The following ZNF726 variants were observed in gnomAD, a reference collection of about 807,000 sequenced individuals.
ZNF726 encodes the protein zinc finger protein 92 pseudogene 3.
A neutral mutation model predicts 11.6 loss-of-function variants in ZNF726; 15 were observed. The ratio of observed to expected loss-of-function variants is 1.29; its 90% CI spans 0.86 to 1.99. ZNF726 has a LOEUF of 1.99. Ranked by LOEUF, ZNF726 falls within the 30% of genes most tolerant of loss-of-function variation. The pLI, the probability that ZNF726 is intolerant of heterozygous loss-of-function variation, is 0.00. For synonymous variants in ZNF726, 295 were observed against 243.6 expected, an observed-to-expected ratio of 1.21 and a Z score of -1.96; for missense variants, 890 against 725.6, an observed-to-expected ratio of 1.23 and a Z score of -2.60.
At chr19:23,944,251 G>C (rs938772533) in intron 4 of ZNF726, 5 of 151,956 alleles carry the variant, frequency 3.3e-5, no homozygotes, top group Admixed American at 2.6e-4. Context: ...TGAATTTCCT[G>C]TATATTTTGA....
chr19:23,940,225 C>G, intron 3 of ZNF726, among the ~76,000 whole-genome samples: 1 of 152,072 alleles, frequency 6.6e-6, no homozygotes, highest in East Asian at 1.9e-4. Context: ...GTTTCATTCT[C>G]CTACATGTGG....
At chr19:23,915,589 T>C (rs917334392) in intron 1 of ZNF726, among the ~76,000 whole-genome samples, 4 of 152,024 alleles carry the variant, frequency 2.6e-5, no homozygotes, top group African/African-American at 9.7e-5. Context: ...TTGTTTTCAT[T>C]TTCTTTTTTT....
At position 23,919,984 on chromosome 19, in the gene ZNF726, C is replaced by T. The variant is rs757489648; in HGVS notation, c.131-3C>T. On this transcript the variant is annotated splice_polypyrimidine_tract_variant and splice_region_variant and intron_variant, in intron 2 of 3. Coordinates refer to ENST00000594466, the MANE Select transcript of ZNF726 (RefSeq NM_001244038.2). ...TTCATGTTAATTATTTTTAATAAAACAGGTATTGCTGTCTCTAAGCCAGAC... is the reference window on the plus strand; with the variant it reads ...TTCATGTTAATTATTTTTAATAAAATAGGTATTGCTGTCTCTAAGCCAGAC... 3 of 1,561,290 alleles carry T rather than the reference C, an allele frequency of 1.9e-6. No individual in the cohort carries two copies.
intron 3 of ZNF726, among the ~76,000 whole-genome samples, chr19:23,924,937 T>C (rs1050019736): frequency 6.6e-6 from 1 of 152,200 alleles, no homozygotes; most frequent in Non-Finnish European, 1.5e-5. Flanking sequence ...TATATTCACA[T>C]TGTTATGCAA....
intron 1 of ZNF726, among the ~76,000 whole-genome samples, chr19:23,915,230 C>G (rs902077742): frequency 1.1e-4 from 17 of 152,090 alleles, no homozygotes; most frequent in Admixed American, 1.0e-3. Flanking sequence ...GGCCTGGAGC[C>G]CTCTTTGGGC....
rs1376216317 is a variant in ZNF726 at position 23,934,054 on chromosome 19, AC to A, written c.*90del. The A allele has an allele frequency of 6.8e-7, 1 of 1,471,212 alleles. No individual in the cohort carries two copies. Among genetic ancestry groups the A allele is most frequent in the Non-Finnish European group, 9.5e-7 (1 of 1,056,210 alleles). 91.1% of individuals were successfully genotyped at this position (1,471,212 alleles called of 1,614,324 possible). ...ATAAGAGGATGCACACTGGAGAGAA[AC>A]CCTACAAATGTGAAGAATGTGAAAA... On this transcript the variant is annotated 3_prime_UTR_variant, in exon 4 of 4. Transcript: ENST00000594466.
chr19:23,933,635 A>G lies in ZNF726; in HGVS notation c.1519A>G (p.Lys507Glu). The G allele has an allele frequency of 6.2e-7, 1 of 1,612,746 alleles. No homozygotes were observed. Among genetic ancestry groups the G allele is most frequent in the African/African-American group, 1.3e-5 (1 of 75,044 alleles). The part of the protein sequence containing the change: ...TAHKIIHTGE[K>E]PYKCEECGKA... Reference sequence around the variant, plus strand: ...ACATAAGATAATTCATACTGGAGAGAAACCCTACAAATGTGAAGAATGTGG... The same window carrying G: ...ACATAAGATAATTCATACTGGAGAGGAACCCTACAAATGTGAAGAATGTGG... Residue 507 changes from lysine (K) to glutamate (E), a missense_variant, in exon 4 of 4, where the codon AAA becomes GAA. Coordinates refer to ENST00000594466, the MANE Select transcript of ZNF726 (RefSeq NM_001244038.2).
At position 23,933,657 on chromosome 19, in the gene ZNF726, G is replaced by A; in HGVS notation, c.1541G>A (p.Cys514Tyr). 6.2e-7 allele frequency: 1 copy of A among 1,612,568 alleles called. No homozygotes were observed. Among genetic ancestry groups the A allele is most frequent in the African/African-American group, 1.3e-5 (1 of 75,016 alleles). Residue 514 changes from cysteine to tyrosine, a missense_variant, in exon 4 of 4, where the codon TGT (cysteine) becomes TAT (tyrosine). Coordinates refer to ENST00000594466, the MANE Select transcript of ZNF726 (RefSeq NM_001244038.2). ...GAGAAACCCTACAAATGTGAAGAAT[G>A]TGGCAAAGCATTTATATTGTCCTCG... ...TGEKPYKCEE[C>Y]GKAFILSSTL...
chr19:23,934,294 G>T lies in ZNF726; in HGVS notation c.*327G>T. On this transcript the variant is annotated 3_prime_UTR_variant, in exon 4 of 4. Transcript: ENST00000594466. The stretch of plus-strand genomic sequence containing the variant: ...GACATAAGAGGATGCACACTGGAGA[G>T]AAACCTTACAAATGTGAGGAATGTG... 1.6e-6 allele frequency: 1 copy of T among 627,224 alleles called. No homozygotes were observed. The highest frequency in any genetic ancestry group is 1.4e-5 in the South Asian group (1 of 71,388). 38.9% of individuals were successfully genotyped at this position (627,224 alleles called of 1,614,324 possible). A position where few individuals can be genotyped will look rare whatever the true frequency, so the allele number is the denominator to read the frequency against.
At position 23,934,241 on chromosome 19, in the gene ZNF726, C is replaced by A. The variant is rs1302382145; in HGVS notation, c.*274C>A. 5 of 684,220 alleles carry A rather than the reference C, an allele frequency of 7.3e-6. No individual in the cohort carries two copies. Among genetic ancestry groups the A allele is most frequent in the Non-Finnish European group, 1.4e-5 (5 of 365,958 alleles). 42.4% of individuals were successfully genotyped at this position (684,220 alleles called of 1,614,324 possible). On this transcript the variant is annotated 3_prime_UTR_variant, in exon 4 of 4. Transcript: ENST00000594466. ...AACCCTACAAATGTGAAAAATGTGGCAAAGCATATGGTCCACACCCCTAAG... is the reference window on the plus strand; with the variant it reads ...AACCCTACAAATGTGAAAAATGTGGAAAAGCATATGGTCCACACCCCTAAG...
intron 3 of ZNF726, among the ~76,000 whole-genome samples, chr19:23,926,520 C>T (rs1967991173): frequency 1.3e-5 from 2 of 149,374 alleles, no homozygotes; most frequent in Admixed American, 1.3e-4. Flanking sequence ...TGCCACTGCA[C>T]TCCACCTGGG....
At chr19:23,916,489 C>T (rs887773674) in intron 1 of ZNF726, among the ~76,000 whole-genome samples, 3 of 152,040 alleles carry the variant, frequency 2.0e-5, no homozygotes, top group African/African-American at 7.2e-5. Flanking sequence ...TGGCACCACG[C>T]CTGGCTAATT....
At chr19:23,944,707 C>T (rs1968391560) in intron 4 of ZNF726, 1 of 202,716 alleles carries the variant, frequency 4.9e-6, no homozygotes. Flanking sequence ...AATAATAATA[C>T]AATAATAGTT....
chr19:23,921,047 C>T (rs1268834644), intron 3 of ZNF726: 1 of 152,154 alleles, frequency 6.6e-6, no homozygotes, highest in Non-Finnish European at 1.5e-5. Context: ...CCTGTAATCC[C>T]AGCATTTTGG....
chr19:23,922,774 T>C (rs893553383), intron 3 of ZNF726, among the ~76,000 whole-genome samples: 1 of 152,162 alleles, frequency 6.6e-6, no homozygotes, highest in Non-Finnish European at 1.5e-5. Context: ...GTCTTAATAT[T>C]TTGACCTCAA....
chr19:23,919,969 T>A lies in ZNF726; in HGVS notation c.131-18T>A. 2.0e-6 allele frequency: 3 copies of A among 1,530,358 alleles called. No individual in the cohort carries two copies. Among genetic ancestry groups the A allele is most frequent in the Non-Finnish European group, 2.7e-6 (3 of 1,123,630 alleles). The allele number at this position is 1,530,358 out of a possible 1,614,324, so 94.8% of individuals were successfully genotyped here. A position where few individuals can be genotyped will look rare whatever the true frequency, so the allele number is the denominator to read the frequency against. ...AGAATATGAGCAAGATTCATGTTAA[T>A]TATTTTTAATAAAACAGGTATTGCT... On this transcript the variant is annotated intron_variant, in intron 2 of 3. Transcript: ENST00000594466.
Position 23,920,041 on chromosome 19 carries a change from C to G in ZNF726, c.185C>G (p.Pro62Arg), listed in dbSNP as rs1360562002. ...ATCTGTCTGGAGAAAGAAAAAGAGC[C>G]CTGGAATATGAAGCGAGATGAGATG... ...LIICLEKEKE[P>R]WNMKRDEMVD... Residue 62 changes from proline to arginine, a missense_variant, in exon 3 of 4, where the codon CCC (proline) becomes CGC (arginine). By Grantham distance (103) the Pro-to-Arg change is moderately radical (BLOSUM62 -2). Transcript: ENST00000594466. 1 of 1,590,702 alleles carries G rather than the reference C, an allele frequency of 6.3e-7. No homozygotes were observed. The highest frequency in any genetic ancestry group is 8.6e-7 in the Non-Finnish European group (1 of 1,166,496).
chr19:23,926,303 C>T (rs1226919913), intron 3 of ZNF726, among the ~76,000 whole-genome samples: 1 of 151,646 alleles, frequency 6.6e-6, no homozygotes, highest in Admixed American at 6.6e-5. Context: ...GCCTGTAATC[C>T]CAGCGCTTTG....
intron 3 of ZNF726, among the ~76,000 whole-genome samples, chr19:23,942,987 G>A (rs1164527763): frequency 1.3e-5 from 2 of 152,120 alleles, no homozygotes; most frequent in Admixed American, 6.6e-5. Flanking sequence ...CATTCATCAT[G>A]CTCTTTGTTG....
Sources: allele counts gnomAD v4.1 joint callset (sites outside exome capture counted in the v4.1 genomes callset), GRCh38; gene constraint gnomAD v4.1.1; transcripts MANE v1.5; gene names NCBI Gene and HGNC (gene_info 2026-07-23, HGNC 2026-07-21).